ADGRL2: variants seen among roughly 807,000 people sequenced by gnomAD.
The protein encoded by ADGRL2 is adhesion G protein-coupled receptor L2.
In ADGRL2, 44 loss-of-function variants were observed where a neutral mutation model predicts 157.4. That is an observed-to-expected ratio of 0.28 (90% CI 0.22 to 0.36). ADGRL2 has a LOEUF of 0.36. Among genes scored for constraint, ADGRL2 ranks in the 10% least tolerant of loss-of-function variants. The pLI is 1.00. For synonymous variants in ADGRL2, 585 were observed against 624.7 expected, an observed-to-expected ratio of 0.94 and a Z score of 0.95; for missense variants, 1,510 against 1,768.9, an observed-to-expected ratio of 0.85 and a Z score of 2.63.
intron 1 of ADGRL2, among the ~76,000 whole-genome samples, chr1:81,409,524 C>G (rs1222710861): frequency 6.6e-6 from 1 of 152,176 alleles, no homozygotes; most frequent in East Asian, 1.9e-4. Context: ...GAATAACAAG[C>G]TTGGAGGCTG....
intron 3 of ADGRL2, among the ~76,000 whole-genome samples, chr1:81,633,595 CAAAAAAAAAAAAAAA>C (rs369967142): frequency 2.0e-5 from 1 of 50,274 alleles, no homozygotes; most frequent in Non-Finnish European, 3.6e-5. Flanking sequence ...GACTCTGTCT[CAAAAAAAAAAAAAAA>C]AAAAAAAAAA....
chr1:81,451,822 C>A (rs1382439360), intron 2 of ADGRL2, among the ~76,000 whole-genome samples: 1 of 152,098 alleles, frequency 6.6e-6, no homozygotes, highest in Admixed American at 6.6e-5. Context: ...TAAAACCACT[C>A]TATTTTATCT....
Position 81,654,872 on chromosome 1 carries a change from T to A in ADGRL2, c.-143+73892T>A, listed in dbSNP as rs192199343. ...TATGACAAGTGATTTGTTGGACAGG[T>A]CTGTCCGTTAATCTCTCTTGCCTCA... On this transcript the variant is annotated intron_variant, in intron 3 of 24. Coordinates refer to the ADGRL2 transcript ENST00000370721. Among the ~76,000 whole-genome samples the A allele has an allele frequency of 3.2e-4, 49 of 152,330 alleles. No individual in the cohort carries two copies. The East Asian group carries it at 3.9e-3, about 12-fold the overall frequency.
intron 14 of ADGRL2, 61 bp from the exon 15 acceptor site, chr1:81,969,117 T>C (rs2149313253): frequency 8.4e-7 from 1 of 1,197,526 alleles, no homozygotes; most frequent in African/African-American, 1.5e-5. Context: ...GTGAAAGCTG[T>C]CTTTCTTCTA....
intron 2 of ADGRL2, among the ~76,000 whole-genome samples, chr1:81,780,179 G>A (rs1475264498): frequency 1.3e-5 from 2 of 152,068 alleles, no homozygotes; most frequent in Non-Finnish European, 2.9e-5. Context: ...AACCAGCAAG[G>A]ACTATATACC....
chr1:81,555,817 T>C (rs1461027245), intron 2 of ADGRL2, among the ~76,000 whole-genome samples: 1 of 151,832 alleles, frequency 6.6e-6, no homozygotes, highest in African/African-American at 2.4e-5. Flanking sequence ...AAAACAAAAA[T>C]AATACAAGCA....
At chr1:81,519,730 C>T (rs557362345) in intron 2 of ADGRL2, among the ~76,000 whole-genome samples, 1 of 152,238 alleles carries the variant, frequency 6.6e-6, no homozygotes, top group Non-Finnish European at 1.5e-5. Flanking sequence ...GATAATGCCC[C>T]AAAGCCAAGG....
intron 3 of ADGRL2, among the ~76,000 whole-genome samples, chr1:81,926,162 C>G (rs938612426): frequency 6.6e-6 from 1 of 151,800 alleles, no homozygotes; most frequent in Non-Finnish European, 1.5e-5. Context: ...TAATTACAAA[C>G]GGAAAGGATT....
chr1:81,969,127 A>T (rs778037996), intron 14 of ADGRL2, 51 bp from the exon 15 acceptor site: 1 of 1,289,180 alleles, frequency 7.8e-7, no homozygotes, highest in Admixed American at 1.7e-5. Context: ...TCTTTCTTCT[A>T]GTTGATGTAA....
chr1:81,982,379 CA>C (rs1389541120), intron 19 of ADGRL2, among the ~76,000 whole-genome samples: 1 of 151,854 alleles, frequency 6.6e-6, no homozygotes, highest in Non-Finnish European at 1.5e-5. Flanking sequence ...ACCAGACATA[CA>C]AAAAATTAAT....
chr1:81,518,981 C>A (rs985844224), intron 2 of ADGRL2, among the ~76,000 whole-genome samples: 8 of 152,178 alleles, frequency 5.3e-5, no homozygotes, highest in African/African-American at 1.9e-4. Flanking sequence ...ATGTCTATAG[C>A]TTTTTACGAT....
Position 81,902,264 on chromosome 1 carries a change from T to G in ADGRL2, c.74-4753T>G, listed in dbSNP as rs148888987. 2.6e-5 allele frequency among the ~76,000 whole-genome samples: 4 copies of G among 152,194 alleles called. No individual in the cohort carries two copies. In the East Asian group the frequency reaches 7.8e-4, roughly 29 times the overall value. On this transcript the variant is annotated intron_variant, in intron 2 of 23. Coordinates refer to ENST00000686636, the MANE Select transcript of ADGRL2 (RefSeq NM_001366006.2). ...GATGAAGCCTCTAGGTAGCAGGTAT[T>G]AAGAGAGAATAGATTGGAAATATTT...
chr1:81,551,759 T>C (rs2080151874), intron 2 of ADGRL2, among the ~76,000 whole-genome samples: 1 of 152,212 alleles, frequency 6.6e-6, no homozygotes, highest in African/African-American at 2.4e-5. Flanking sequence ...CTACCTCCTT[T>C]AAAATACTTC....
At chr1:81,853,152 G>T (rs1161947739) in intron 2 of ADGRL2, among the ~76,000 whole-genome samples, 6 of 152,174 alleles carry the variant, frequency 3.9e-5, no homozygotes, top group Non-Finnish European at 7.3e-5. Context: ...CAGACAGAAT[G>T]TTGTGCTGAA....
intron 3 of ADGRL2, among the ~76,000 whole-genome samples, chr1:81,620,210 A>G (rs1249350301): frequency 6.6e-6 from 1 of 152,230 alleles, no homozygotes; most frequent in Non-Finnish European, 1.5e-5. Flanking sequence ...TAGGCAATAC[A>G]TAGGCAATAC....
At chr1:81,317,784 A>AT (rs1450801138) in intron 1 of ADGRL2, among the ~76,000 whole-genome samples, 1 of 152,162 alleles carries the variant, frequency 6.6e-6, no homozygotes, top group Non-Finnish European at 1.5e-5. Flanking sequence ...ATATTTATTT[A>AT]TGTCTATATA....
At chr1:81,949,927 A>T (rs1394632005) in intron 6 of ADGRL2, among the ~76,000 whole-genome samples, 2 of 152,230 alleles carry the variant, frequency 1.3e-5, no homozygotes, top group Admixed American at 6.5e-5. Flanking sequence ...TTGAGAAATA[A>T]ACTTAAGAGT....
At chr1:81,914,381 T>C (rs1410150630) in intron 3 of ADGRL2, among the ~76,000 whole-genome samples, 1 of 152,190 alleles carries the variant, frequency 6.6e-6, no homozygotes, top group African/African-American at 2.4e-5. Flanking sequence ...GTATGTCTTA[T>C]GGTGTTTCAT....
chr1:81,464,641 T>C (rs943323431), intron 2 of ADGRL2, among the ~76,000 whole-genome samples: 2 of 152,170 alleles, frequency 1.3e-5, no homozygotes, highest in African/African-American at 4.8e-5. Flanking sequence ...AGTGCCCATC[T>C]GAGTTAGGGC....
Sources: gnomAD v4.1 joint callset for allele counts (sites outside exome capture counted in the v4.1 genomes callset) on GRCh38, gnomAD v4.1.1 for gene constraint, MANE v1.5 for transcripts, NCBI Gene and HGNC (gene_info 2026-07-23, HGNC 2026-07-21) for gene names.